The following MPV17 variants were observed in gnomAD, a reference collection of about 807,000 sequenced individuals.
MPV17 encodes the protein mitochondrial inner membrane protein MPV17, also known as MPV17, mitochondrial inner membrane protein.
MPV17 carries 31 observed loss-of-function variants against 28.6 expected under a neutral mutation model. The ratio of observed to expected loss-of-function variants is 1.08; its 90% CI spans 0.81 to 1.46. MPV17 has a LOEUF of 1.46. Among genes scored for constraint, MPV17 ranks in the 40% most tolerant of loss-of-function variants. The probability of loss-of-function intolerance (pLI) is 0.00; values close to 1 mark genes in which losing one functional copy is unlikely to be tolerated. For missense variants in MPV17, 198 were observed against 216.2 expected (o/e 0.92, Z 0.53); for synonymous variants, 87 against 85.3 (o/e 1.02, Z -0.11).
chr2:27,309,777 G>A lies in MPV17; in HGVS notation c.*135C>T. ...TTTTAGAGTGAAGAGGGGCATTGCA[G>A]GGTGCTAGTCCTCTTAAGCTCTGAC... On this transcript the variant is annotated 3_prime_UTR_variant, in exon 8 of 8. Coordinates refer to ENST00000380044, the MANE Select transcript of MPV17 (RefSeq NM_002437.5). 1 of 724,806 alleles carries A rather than the reference G, an allele frequency of 1.4e-6. No individual in the cohort carries two copies. 44.9% of individuals were successfully genotyped at this position (724,806 alleles called of 1,614,324 possible).
At chr2:27,315,840 G>A (rs976543953) in intron 2 of MPV17, 4 of 1,264,644 alleles carry the variant, frequency 3.2e-6, no homozygotes, top group Non-Finnish European at 3.0e-6. Flanking sequence ...GGGATTATAG[G>A]TGTGAGCCAC....
chr2:27,312,770 G>T lies in MPV17; in HGVS notation c.189C>A (p.Gly63=), dbSNP rs1679503330. Residue 63 remains glycine (G), a splice_region_variant and synonymous_variant, in exon 4 of 8, where the codon GGC becomes GGA. Coordinates refer to ENST00000380044, the MANE Select transcript of MPV17 (RefSeq NM_002437.5). ...CCTTGTACCAGCCTCCTACCACAGG[G>T]CCCTGGAAGTAAACCCCAGATAGCA... ...TMVSLGCGFV[G]PVVGGWYKVL... The T allele has an allele frequency of 1.2e-6, 2 of 1,613,874 alleles. No individual in the cohort carries two copies. The highest frequency in any genetic ancestry group is 1.7e-5 in the Admixed American group (1 of 60,010).
chr2:27,310,752 G>A (rs1387542213), intron 7 of MPV17, among the ~76,000 whole-genome samples: 3 of 151,714 alleles, frequency 2.0e-5, no homozygotes, highest in Admixed American at 6.6e-5. Flanking sequence ...TTGTTTTTTC[G>A]GGTTTTTTTT....
intron 5 of MPV17, 60 bp from the exon 6 acceptor site, chr2:27,312,306 A>G: frequency 1.3e-6 from 2 of 1,565,332 alleles, no homozygotes; most frequent in South Asian, 2.2e-5. Context: ...CCCACTTCCC[A>G]GTATGAATGT....
At chr2:27,311,217 G>A in intron 7 of MPV17, 1 of 195,720 alleles carries the variant, frequency 5.1e-6, no homozygotes, top group Admixed American at 5.5e-5. Context: ...GTTACCATGT[G>A]ACTGGCTAAT....
chr2:27,311,831 A>G (rs532572544), intron 7 of MPV17, 68 bp downstream of exon 7: 1 of 1,591,174 alleles, frequency 6.3e-7, no homozygotes, highest in South Asian at 1.1e-5. Context: ...TTGAAATGAG[A>G]ATCATTTTGT....
Position 27,315,958 on chromosome 2 carries a change from G to C in MPV17, c.71-2849C>G, listed in dbSNP as rs1286983149. ...CAGGCCTTCTCTCAAGGAGGACCAAGGAGGCCAGGGTATTCCTGGCATGGG... is the reference window on the plus strand; with the variant it reads ...CAGGCCTTCTCTCAAGGAGGACCAACGAGGCCAGGGTATTCCTGGCATGGG... On this transcript the variant is annotated intron_variant, in intron 2 of 7. Transcript: ENST00000380044. 3 of 1,472,324 alleles carry C rather than the reference G, an allele frequency of 2.0e-6. No homozygotes were observed. In the Admixed American group the frequency reaches 7.6e-5, roughly 37 times the overall value. The allele number at this position is 1,472,324 out of a possible 1,614,324, so 91.2% of individuals were successfully genotyped here.
chr2:27,321,846 A>C lies in MPV17; in HGVS notation c.70+602T>G, dbSNP rs189682050. The C allele has an allele frequency of 5.6e-3, 871 of 155,434 alleles. 5 individuals are homozygous for C. Among genetic ancestry groups the C allele is most frequent in the Non-Finnish European group, 0.01 (709 of 69,778 alleles). 9.6% of individuals were successfully genotyped at this position (155,434 alleles called of 1,614,324 possible). On this transcript the variant is annotated intron_variant, in intron 2 of 7. Coordinates refer to ENST00000380044, the MANE Select transcript of MPV17 (RefSeq NM_002437.5). ...AGTAAATGATAACAAAAGCAAATGA[A>C]CGATATAAACAAAACTCAGGAAATT... is the stretch of plus-strand genomic sequence containing the variant.
At chr2:27,322,291 C>T in intron 2 of MPV17, 157 bp downstream of exon 2, 1 of 738,260 alleles carries the variant, frequency 1.4e-6, no homozygotes, top group Non-Finnish European at 2.4e-6. Flanking sequence ...TTGGGGACCA[C>T]CCTCCAAAAC....
Position 27,317,520 on chromosome 2 carries a change from G to A in MPV17, c.71-4411C>T, listed in dbSNP as rs939393401. 1.1e-4 allele frequency among the ~76,000 whole-genome samples: 16 copies of A among 152,318 alleles called. No individual in the cohort carries two copies. Among genetic ancestry groups the A allele is most frequent in the African/African-American group, 3.4e-4 (14 of 41,562 alleles). On this transcript the variant is annotated intron_variant, in intron 2 of 7. Coordinates refer to ENST00000380044, the MANE Select transcript of MPV17 (RefSeq NM_002437.5). This position sits in a 1 kb window ranked among gnomAD's most constrained non-coding sequence, Gnocchi z 4.0. ...GGTGGGCAGTGCCCTAGGTTATAAC[G>A]CCAGCTCAGCCACTGACTATCTGAG...
At position 27,315,919 on chromosome 2, in the gene MPV17, G is replaced by A. The variant is rs181201747; in HGVS notation, c.71-2810C>T. On this transcript the variant is annotated intron_variant, in intron 2 of 7. Transcript: ENST00000380044. Reference sequence around the variant, plus strand: ...ATGAGATGACTTGGTAAGGAGTGCAGTTGGAACTGAACCCAGGCCTTCTCT... The same window carrying A: ...ATGAGATGACTTGGTAAGGAGTGCAATTGGAACTGAACCCAGGCCTTCTCT... The A allele has an allele frequency of 4.4e-5, 63 of 1,441,608 alleles. No homozygotes were observed. The African/African-American group carries it at 7.9e-4, about 18-fold the overall frequency. The allele number at this position is 1,441,608 out of a possible 1,614,324, so 89.3% of individuals were successfully genotyped here.
At chr2:27,311,721 TTTC>T (rs1382372975) in intron 7 of MPV17, 175 bp downstream of exon 7, 1 of 1,551,776 alleles carries the variant, frequency 6.4e-7, no homozygotes. Context: ...TCTGGGACAG[TTTC>T]CGGAAATGGC....
In MPV17 at chr2:27,312,199, G is replaced by A. The variant is rs1444968325; in HGVS notation, c.408+15C>T. ...AGGAAGCAGGAGAACAAGCAGTTGAGGTGTCAGCTCTTACATAGTAGTTGG... is the reference window on the plus strand; with the variant it reads ...AGGAAGCAGGAGAACAAGCAGTTGAAGTGTCAGCTCTTACATAGTAGTTGG... On this transcript the variant is annotated intron_variant, in intron 6 of 7. Coordinates refer to ENST00000380044, the MANE Select transcript of MPV17 (RefSeq NM_002437.5). The A allele has an allele frequency of 6.2e-7, 1 of 1,613,202 alleles. No homozygotes were observed. The highest frequency in any genetic ancestry group is 1.1e-5 in the South Asian group (1 of 91,066).
At chr2:27,316,052 C>T (rs1328844118) in intron 2 of MPV17, 1 of 1,549,784 alleles carries the variant, frequency 6.5e-7, no homozygotes, top group South Asian at 1.2e-5. Flanking sequence ...GGTGTTCCTG[C>T]CCAAGTGAGG....
intron 7 of MPV17, among the ~76,000 whole-genome samples, chr2:27,310,425 G>C (rs1263442428): frequency 6.6e-6 from 1 of 152,172 alleles, no homozygotes; most frequent in Non-Finnish European, 1.5e-5. Context: ...GGCCTGTGTG[G>C]CTTGCACTAA....
chr2:27,311,446 G>T (rs553005102), intron 7 of MPV17: 4 of 784,362 alleles, frequency 5.1e-6, no homozygotes, highest in Non-Finnish European at 6.1e-6. Context: ...CTGTTCCCAC[G>T]ATCCTTCACC....
rs1390446262 is a variant in MPV17 at position 27,313,069 on chromosome 2, C to A, written c.111G>T (p.Leu37=). Residue 37 remains leucine (L), a synonymous_variant, in exon 3 of 8, where the codon CTG becomes CTT. Transcript: ENST00000380044. ...MGLGDIISQQ[L]VERRGLQEHQ... ...GTTCCTGCAGACCCCGCCTCTCCAC[C>A]AGCTGCTGTGAGATAATGTCACCCA... 1 of 1,614,084 alleles carries A rather than the reference C, an allele frequency of 6.2e-7. No individual in the cohort carries two copies. Among genetic ancestry groups the A allele is most frequent in the Non-Finnish European group, 8.5e-7 (1 of 1,180,054 alleles).
chr2:27,310,053 G>C lies in MPV17; in HGVS notation c.462-72C>G, dbSNP rs1324456412. 6 of 1,171,580 alleles carry C rather than the reference G, an allele frequency of 5.1e-6. No individual in the cohort carries two copies. The Admixed American group carries it at 1.0e-4, about 20-fold the overall frequency. 72.6% of individuals were successfully genotyped at this position (1,171,580 alleles called of 1,614,324 possible). A position where few individuals can be genotyped will look rare whatever the true frequency, so the allele number is the denominator to read the frequency against. The stretch of plus-strand genomic sequence containing the variant: ...GAGCAAGGGCTGGAGATGGGAGCAT[G>C]AAATGGCAAAGGAGGGATCATGACA... On this transcript the variant is annotated intron_variant, in intron 7 of 7. Coordinates refer to ENST00000380044, the MANE Select transcript of MPV17 (RefSeq NM_002437.5).
At chr2:27,311,684 AGAT>A (rs1464763965) in intron 7 of MPV17, 145 of 1,550,814 alleles carry the variant, frequency 9.3e-5, no homozygotes, top group Non-Finnish European at 1.2e-4. Flanking sequence ...CTCCCTAGGG[AGAT>A]GAAGAAGGTC....
Sources: gnomAD v4.1 joint callset for allele counts (sites outside exome capture counted in the v4.1 genomes callset) on GRCh38, gnomAD v4.1.1 for gene constraint, Gnocchi (gnomAD v3.1) non-coding constraint, MANE v1.5 for transcripts, NCBI Gene and HGNC (gene_info 2026-07-23, HGNC 2026-07-21) for gene names.